Variants in GPR45 observed in about 807,000 individuals in gnomAD.
GPR45 encodes the protein probable G protein-coupled receptor 45.
Under a neutral mutation model 5.9 loss-of-function variants are expected in GPR45, and 7 were observed. That is an observed-to-expected ratio of 1.19 (90% CI 0.68 to 2.23). GPR45 has a LOEUF of 2.23. Ranked by LOEUF, GPR45 falls within the 30% of genes most tolerant of loss-of-function variation. The pLI is 0.00. For missense variants in GPR45, 440 were observed against 496.9 expected (o/e 0.89, Z 1.09); for synonymous variants, 220 against 226.3 (o/e 0.97, Z 0.25).
Position 105,242,138 on chromosome 2 carries a change from A to T in GPR45, c.280A>T (p.Thr94Ser), listed in dbSNP as rs1189342876. The change falls in exon 1 of 1, where the codon ACC (threonine) becomes TCC (serine). Residue 94 changes from threonine to serine, a missense_variant. Thr to Ser is a moderately conservative substitution (Grantham distance 58). Transcript: ENST00000258456. This position sits in a 1 kb window ranked among gnomAD's most constrained non-coding sequence, Gnocchi z 4.8. Reference protein sequence around the residue: ...SLCCMPFTAVTLITVRWHFGD... With the variant: ...SLCCMPFTAVSLITVRWHFGD... The stretch of plus-strand genomic sequence containing the variant: ...CTGCTGCATGCCCTTCACCGCCGTC[A>T]CCCTCATCACCGTGCGCTGGCACTT... The T allele has an allele frequency of 6.2e-7, 1 of 1,613,972 alleles. No individual in the cohort carries two copies. The highest frequency in any genetic ancestry group is 1.7e-5 in the Admixed American group (1 of 60,008).
At position 105,242,931 on chromosome 2, in the gene GPR45, A is replaced by T; in HGVS notation, c.1073A>T (p.Gln358Leu). The change falls in exon 1 of 1, where the codon CAG (glutamine) becomes CTG (leucine). Residue 358 changes from glutamine (Q) to leucine (L), a missense_variant. Physicochemically the swap from Gln to Leu is moderately radical, Grantham distance 113. Coordinates refer to ENST00000258456, the MANE Select transcript of GPR45 (RefSeq NM_007227.3). The surrounding 1 kb of genome is among the most constrained non-coding windows in gnomAD (Gnocchi z 4.8). ...CCTGAGCGGATCCGAAGGAGAATCC[A>T]GCCAAGCACAGTCTACGTGTGCAAT... ...KVPERIRRRI[Q>L]PSTVYVCNEN... 6.2e-7 allele frequency: 1 copy of T among 1,614,236 alleles called. No homozygotes were observed. The highest frequency in any genetic ancestry group is 2.2e-5 in the East Asian group (1 of 44,870).
rs1003479730 is a variant in GPR45, at chr2:105,242,906, C to T, written c.1048C>T (p.Pro350Ser). ...PQTFQILPKV[P>S]ERIRRRIQPS... ...GACCTTCCAAATCCTCCCCAAAGTG[C>T]CTGAGCGGATCCGAAGGAGAATCCA... Residue 350 changes from proline to serine, a missense_variant, in exon 1 of 1, where the codon CCT (proline) becomes TCT (serine). By Grantham distance (74) the Pro-to-Ser change is moderately conservative (BLOSUM62 -1). Coordinates refer to ENST00000258456, the MANE Select transcript of GPR45 (RefSeq NM_007227.3). This position sits in a 1 kb window ranked among gnomAD's most constrained non-coding sequence, Gnocchi z 4.8. The T allele has an allele frequency of 6.2e-7, 1 of 1,614,194 alleles. No homozygotes were observed. Among genetic ancestry groups the T allele is most frequent in the Non-Finnish European group, 8.5e-7 (1 of 1,180,036 alleles).
chr2:105,242,479 C>T lies in GPR45; in HGVS notation c.621C>T (p.Pro207=), dbSNP rs778070417. The T allele has an allele frequency of 6.2e-6, 10 of 1,605,792 alleles. No individual in the cohort carries two copies. The highest frequency in any genetic ancestry group is 7.6e-6 in the Non-Finnish European group (9 of 1,179,822). Residue 207 remains proline, a synonymous_variant, in exon 1 of 1, where the codon CCC becomes CCT. Coordinates refer to ENST00000258456, the MANE Select transcript of GPR45 (RefSeq NM_007227.3). The surrounding 1 kb of genome is among the most constrained non-coding windows in gnomAD (Gnocchi z 4.8). ...TGGTGGTGGCCGTGTTCTTCGCGCCCTTTGGCGTCATGCTGTGCGCCTACA... is the reference window on the plus strand; with the variant it reads ...TGGTGGTGGCCGTGTTCTTCGCGCCTTTTGGCGTCATGCTGTGCGCCTACA... ...VTLVVAVFFA[P]FGVMLCAYMC...
chr2:105,242,284 G>A lies in GPR45; in HGVS notation c.426G>A (p.Lys142=), dbSNP rs1186206079. Residue 142 remains lysine (K), a synonymous_variant, in exon 1 of 1, where the codon AAG becomes AAA. Coordinates refer to ENST00000258456, the MANE Select transcript of GPR45 (RefSeq NM_007227.3). This position sits in a 1 kb window ranked among gnomAD's most constrained non-coding sequence, Gnocchi z 4.8. ...RFLIIVQRQD[K]LNPRRAKVII... ...TCATCATCGTCCAGCGCCAGGACAA[G>A]CTGAACCCGCGCAGGGCCAAGGTGA... 4 of 1,614,044 alleles carry A rather than the reference G, an allele frequency of 2.5e-6. No individual in the cohort carries two copies. The Admixed American group carries it at 5.0e-5, about 20-fold the overall frequency.
rs780906725 is a variant in GPR45 at position 105,242,377 on chromosome 2, G to A, written c.519G>A (p.Val173=). The change falls in exon 1 of 1, where the codon GTG becomes GTA. Residue 173 remains valine (V), a synonymous_variant. Coordinates refer to ENST00000258456, the MANE Select transcript of GPR45 (RefSeq NM_007227.3). The surrounding 1 kb of genome is among the most constrained non-coding windows in gnomAD (Gnocchi z 4.8). The stretch of plus-strand genomic sequence containing the variant: ...CCTCGCTCACGGGCTGGACGCTGGT[G>A]GAGGTGCCGGCGCGGGCCCCACAGT... The part of the protein sequence containing the change: ...AGPSLTGWTL[V]EVPARAPQCV... 3 of 1,612,754 alleles carry A rather than the reference G, an allele frequency of 1.9e-6. No individual in the cohort carries two copies. The highest frequency in any genetic ancestry group is 2.2e-5 in the East Asian group (1 of 44,868).
At position 105,241,756 on chromosome 2, in the gene GPR45, A is replaced by G; in HGVS notation, c.-103A>G. The G allele has an allele frequency of 7.6e-7, 1 of 1,315,416 alleles. No individual in the cohort carries two copies. The highest frequency in any genetic ancestry group is 1.0e-6 in the Non-Finnish European group (1 of 962,542). The allele number at this position is 1,315,416 out of a possible 1,614,324, so 81.5% of individuals were successfully genotyped here. A position where few individuals can be genotyped will look rare whatever the true frequency, so the allele number is the denominator to read the frequency against. On this transcript the variant is annotated 5_prime_UTR_variant, in exon 1 of 1. Transcript: ENST00000258456. ...ATTCCAGTGCCCCAGAGGTCCACAG[A>G]CATCCAGGAAGATGCAGCCAGCAGA...
At position 105,242,153 on chromosome 2, in the gene GPR45, C is replaced by T. The variant is rs763424464; in HGVS notation, c.295C>T (p.Arg99Cys). The change falls in exon 1 of 1, where the codon CGC becomes TGC. Residue 99 changes from arginine to cysteine, a missense_variant. Physicochemically the swap from Arg to Cys is radical, Grantham distance 180. Transcript: ENST00000258456. The surrounding 1 kb of genome is among the most constrained non-coding windows in gnomAD (Gnocchi z 4.8). ...CACCGCCGTCACCCTCATCACCGTG[C>T]GCTGGCACTTTGGGGACCACTTCTG... Reference protein sequence around the residue: ...PFTAVTLITVRWHFGDHFCRL... With the variant: ...PFTAVTLITVCWHFGDHFCRL... 1.9e-6 allele frequency: 3 copies of T among 1,614,148 alleles called. No homozygotes were observed. Among genetic ancestry groups the T allele is most frequent in the Non-Finnish European group, 1.7e-6 (2 of 1,180,052 alleles).
Position 105,241,918 on chromosome 2 carries a change from C to G in GPR45, c.60C>G (p.Asn20Lys), listed in dbSNP as rs1230597460. Reference sequence around the variant, plus strand: ...CATACCTGCTGCTGAACACCAGCAACGCCTCAGACTCGGGGTCCACCCAGT... The same window carrying G: ...CATACCTGCTGCTGAACACCAGCAAGGCCTCAGACTCGGGGTCCACCCAGT... ...AYTYLLLNTS[N>K]ASDSGSTQLP... Residue 20 changes from asparagine to lysine, a missense_variant, in exon 1 of 1, where the codon AAC becomes AAG. Transcript: ENST00000258456. The G allele has an allele frequency of 6.2e-7, 1 of 1,604,302 alleles. No individual in the cohort carries two copies. The highest frequency in any genetic ancestry group is 1.1e-5 in the South Asian group (1 of 89,672).
rs1676364165 is a variant in GPR45, at chr2:105,242,117, T to G, written c.259T>G (p.Cys87Gly). The G allele has an allele frequency of 6.2e-7, 1 of 1,614,098 alleles. No individual in the cohort carries two copies. Among genetic ancestry groups the G allele is most frequent in the Non-Finnish European group, 8.5e-7 (1 of 1,180,058 alleles). The change falls in exon 1 of 1, where the codon TGC (cysteine) becomes GGC (glycine). Residue 87 changes from cysteine to glycine, a missense_variant. Physicochemically the swap from Cys to Gly is radical, Grantham distance 159 (BLOSUM62 -3). Coordinates refer to ENST00000258456, the MANE Select transcript of GPR45 (RefSeq NM_007227.3). The surrounding 1 kb of genome is among the most constrained non-coding windows in gnomAD (Gnocchi z 4.8). ...CTCCGACATCATGCTGTCCCTCTGC[T>G]GCATGCCCTTCACCGCCGTCACCCT... ...AFSDIMLSLCCMPFTAVTLIT... is the reference protein window; with the variant it reads ...AFSDIMLSLCGMPFTAVTLIT...
Position 105,242,677 on chromosome 2 carries a change from C to T in GPR45, c.819C>T (p.Phe273=), listed in dbSNP as rs1676374285. 1 of 1,600,006 alleles carries T rather than the reference C, an allele frequency of 6.2e-7. No homozygotes were observed. Among genetic ancestry groups the T allele is most frequent in the Non-Finnish European group, 8.5e-7 (1 of 1,171,798 alleles). Residue 273 remains phenylalanine, a synonymous_variant, in exon 1 of 1, where the codon TTC becomes TTT. Transcript: ENST00000258456. This position sits in a 1 kb window ranked among gnomAD's most constrained non-coding sequence, Gnocchi z 4.8. ...TKAFTTILIL[F]VGFSLCWLPH... is the part of the protein sequence containing the mutation. Reference sequence around the variant, plus strand: ...CCTTCACCACCATCCTGATCCTCTTCGTGGGCTTCTCCCTCTGCTGGCTGC... The same window carrying T: ...CCTTCACCACCATCCTGATCCTCTTTGTGGGCTTCTCCCTCTGCTGGCTGC...
rs1479429541 is a variant in GPR45 at position 105,242,396 on chromosome 2, C to A, written c.538C>A (p.Pro180Thr). The stretch of plus-strand genomic sequence containing the variant: ...GCTGGTGGAGGTGCCGGCGCGGGCC[C>A]CACAGTGCGTGCTGGGCTACACGGA... ...WTLVEVPARA[P>T]QCVLGYTELP... Residue 180 changes from proline (P) to threonine (T), a missense_variant, in exon 1 of 1, where the codon CCA becomes ACA. Pro to Thr is a conservative substitution (Grantham distance 38). Coordinates refer to ENST00000258456, the MANE Select transcript of GPR45 (RefSeq NM_007227.3). The surrounding 1 kb of genome is among the most constrained non-coding windows in gnomAD (Gnocchi z 4.8). 1 of 1,612,086 alleles carries A rather than the reference C, an allele frequency of 6.2e-7. No homozygotes were observed. The highest frequency in any genetic ancestry group is 1.7e-5 in the Admixed American group (1 of 59,960).
Position 105,242,821 on chromosome 2 carries a change from C to CGCTCCA in GPR45, c.963_964insGCTCCA (p.Pro321_Ile322insAlaPro), listed in dbSNP as rs761004834. On this transcript the variant is annotated inframe_insertion, in exon 1 of 1. Transcript: ENST00000258456. This position sits in a 1 kb window ranked among gnomAD's most constrained non-coding sequence, Gnocchi z 4.8. ...GTTACCTCAAGTCCGTCTTCAACCCCATCGTCTACTGCTGGAGAATCAAAA... is the reference window on the plus strand; with the variant it reads ...GTTACCTCAAGTCCGTCTTCAACCCCGCTCCAATCGTCTACTGCTGGAGAATCAAAA... 1 of 1,614,254 alleles carries CGCTCCA rather than the reference C, an allele frequency of 6.2e-7. No homozygotes were observed. Among genetic ancestry groups the CGCTCCA allele is most frequent in the Admixed American group, 1.7e-5 (1 of 60,030 alleles).
At position 105,242,825 on chromosome 2, in the gene GPR45, G is replaced by A. The variant is rs1285738675; in HGVS notation, c.967G>A (p.Val323Ile). 3.1e-6 allele frequency: 5 copies of A among 1,614,090 alleles called. No homozygotes were observed. Among genetic ancestry groups the A allele is most frequent in the Admixed American group, 1.7e-5 (1 of 60,004 alleles). Residue 323 changes from valine (V) to isoleucine (I), a missense_variant, in exon 1 of 1, where the codon GTC becomes ATC. Coordinates refer to ENST00000258456, the MANE Select transcript of GPR45 (RefSeq NM_007227.3). This position sits in a 1 kb window ranked among gnomAD's most constrained non-coding sequence, Gnocchi z 4.8. ...SYLKSVFNPIVYCWRIKKFRE... is the reference protein window; with the variant it reads ...SYLKSVFNPIIYCWRIKKFRE... ...CCTCAAGTCCGTCTTCAACCCCATC[G>A]TCTACTGCTGGAGAATCAAAAAATT...
chr2:105,242,349 G>A lies in GPR45; in HGVS notation c.491G>A (p.Gly164Glu). Residue 164 changes from glycine to glutamate, a missense_variant, in exon 1 of 1, where the codon GGG becomes GAG. Transcript: ENST00000258456. The surrounding 1 kb of genome is among the most constrained non-coding windows in gnomAD (Gnocchi z 4.8). The part of the protein sequence containing the change: ...VSWVLSFCIA[G>E]PSLTGWTLVE... Reference sequence around the variant, plus strand: ...TGGGTGCTGTCCTTCTGCATCGCGGGGCCCTCGCTCACGGGCTGGACGCTG... The same window carrying A: ...TGGGTGCTGTCCTTCTGCATCGCGGAGCCCTCGCTCACGGGCTGGACGCTG... 6.2e-7 allele frequency: 1 copy of A among 1,613,592 alleles called. No individual in the cohort carries two copies. Among genetic ancestry groups the A allele is most frequent in the Admixed American group, 1.7e-5 (1 of 60,000 alleles).
In GPR45 at chr2:105,242,125, C is replaced by T. The variant is rs1676364365; in HGVS notation, c.267C>T (p.Pro89=). The change falls in exon 1 of 1, where the codon CCC becomes CCT. Residue 89 remains proline, a synonymous_variant. Transcript: ENST00000258456. The surrounding 1 kb of genome is among the most constrained non-coding windows in gnomAD (Gnocchi z 4.8). The part of the protein sequence containing the change: ...SDIMLSLCCM[P]FTAVTLITVR... ...TCATGCTGTCCCTCTGCTGCATGCC[C>T]TTCACCGCCGTCACCCTCATCACCG... 6.2e-7 allele frequency: 1 copy of T among 1,614,188 alleles called. No individual in the cohort carries two copies. The highest frequency in any genetic ancestry group is 8.5e-7 in the Non-Finnish European group (1 of 1,180,040).
Position 105,242,822 on chromosome 2 carries a change from A to C in GPR45, c.964A>C (p.Ile322Leu), listed in dbSNP as rs953279063. ...LSYLKSVFNP[I>L]VYCWRIKKFR... ...TTACCTCAAGTCCGTCTTCAACCCC[A>C]TCGTCTACTGCTGGAGAATCAAAAA... is the stretch of plus-strand genomic sequence containing the variant. Residue 322 changes from isoleucine to leucine, a missense_variant, in exon 1 of 1, where the codon ATC becomes CTC. Transcript: ENST00000258456. The surrounding 1 kb of genome is among the most constrained non-coding windows in gnomAD (Gnocchi z 4.8). 1 of 1,614,022 alleles carries C rather than the reference A, an allele frequency of 6.2e-7. No homozygotes were observed. The highest frequency in any genetic ancestry group is 1.3e-5 in the African/African-American group (1 of 74,906).
Position 105,242,683 on chromosome 2 carries a change from C to A in GPR45, c.825C>A (p.Gly275=), listed in dbSNP as rs766063951. Residue 275 remains glycine (G), a synonymous_variant, in exon 1 of 1, where the codon GGC becomes GGA. Transcript: ENST00000258456. This position sits in a 1 kb window ranked among gnomAD's most constrained non-coding sequence, Gnocchi z 4.8. The part of the protein sequence containing the change: ...AFTTILILFV[G]FSLCWLPHSV... ...CCACCATCCTGATCCTCTTCGTGGG[C>A]TTCTCCCTCTGCTGGCTGCCCCACT... 3 of 1,600,922 alleles carry A rather than the reference C, an allele frequency of 1.9e-6. No individual in the cohort carries two copies. In the South Asian group the frequency reaches 3.4e-5, roughly 18 times the overall value.
rs1341509328 is a variant in GPR45, at chr2:105,242,737, C to T, written c.879C>T (p.Ser293=). Reference sequence around the variant, plus strand: ...TCTACAGCCTCCTGTCTGTGTTTAGCCAGCGCTTTTACTGCGGTTCCTCCT... The same window carrying T: ...TCTACAGCCTCCTGTCTGTGTTTAGTCAGCGCTTTTACTGCGGTTCCTCCT... ...HSVYSLLSVF[S]QRFYCGSSFY... is the part of the protein sequence containing the mutation. The change falls in exon 1 of 1, where the codon AGC becomes AGT. Residue 293 remains serine (S), a synonymous_variant. Transcript: ENST00000258456. The surrounding 1 kb of genome is among the most constrained non-coding windows in gnomAD (Gnocchi z 4.8). The T allele has an allele frequency of 2.5e-6, 4 of 1,613,538 alleles. No individual in the cohort carries two copies. Among genetic ancestry groups the T allele is most frequent in the Non-Finnish European group, 3.4e-6 (4 of 1,179,658 alleles).
chr2:105,242,451 C>T lies in GPR45; in HGVS notation c.593C>T (p.Thr198Ile). The change falls in exon 1 of 1, where the codon ACC becomes ATC. Residue 198 changes from threonine to isoleucine, a missense_variant. Thr to Ile is a moderately conservative substitution (Grantham distance 89, BLOSUM62 -1). Transcript: ENST00000258456. This position sits in a 1 kb window ranked among gnomAD's most constrained non-coding sequence, Gnocchi z 4.8. ...ELPADRAYVV[T>I]LVVAVFFAPF... ...CCCGCTGACCGCGCCTACGTGGTCA[C>T]CTTGGTGGTGGCCGTGTTCTTCGCG... 6.2e-7 allele frequency: 1 copy of T among 1,608,200 alleles called. No homozygotes were observed. The highest frequency in any genetic ancestry group is 8.5e-7 in the Non-Finnish European group (1 of 1,179,824).
Sources: allele counts gnomAD v4.1 joint callset, GRCh38; gene constraint gnomAD v4.1.1; non-coding constraint Gnocchi (gnomAD v3.1); transcripts MANE v1.5; gene names NCBI Gene and HGNC (gene_info 2026-07-23, HGNC 2026-07-21).